Variants in ROBO1 observed in about 807,000 individuals in gnomAD.
The protein encoded by ROBO1 is roundabout homolog 1.
In ROBO1, 149 loss-of-function variants were observed where a neutral mutation model predicts 195.9. The observed-to-expected ratio is 0.76, with a 90% CI of 0.67 to 0.87. The LOEUF (loss-of-function observed/expected upper bound fraction) is 0.87. ROBO1 is among the 40% of genes least tolerant of loss of function. The pLI, the probability that ROBO1 is intolerant of heterozygous loss-of-function variation, is 0.00. For missense variants in ROBO1, 1,933 were observed against 2,068.3 expected, an observed-to-expected ratio of 0.93 and a Z score of 1.27; for synonymous variants, 816 against 733.2, an observed-to-expected ratio of 1.11 and a Z score of -1.82.
chr3:79,129,418 G>C (rs1302838614), intron 2 of ROBO1, among the ~76,000 whole-genome samples: 1 of 151,816 alleles, frequency 6.6e-6, no homozygotes, highest in Admixed American at 6.6e-5. Context: ...ACATAAATTA[G>C]TAATTACATA....
At chr3:79,266,425 G>T (rs1305870662) in intron 2 of ROBO1, among the ~76,000 whole-genome samples, 1 of 151,530 alleles carries the variant, frequency 6.6e-6, no homozygotes. Flanking sequence ...GAACAAACCT[G>T]CAAGAGATAG....
intron 3 of ROBO1, among the ~76,000 whole-genome samples, chr3:79,063,219 G>A (rs898445789): frequency 3.3e-5 from 5 of 151,814 alleles, no homozygotes; most frequent in Admixed American, 3.3e-4. Context: ...GCCCCTTGAG[G>A]TATAGTTTTC....
At chr3:79,153,668 G>C (rs2080810390) in intron 2 of ROBO1, among the ~76,000 whole-genome samples, 1 of 149,374 alleles carries the variant, frequency 6.7e-6, no homozygotes, top group African/African-American at 2.4e-5. Flanking sequence ...ATACTCGTCT[G>C]CTTAATAGTA....
chr3:79,266,390 A>G (rs567486596), intron 2 of ROBO1, among the ~76,000 whole-genome samples: 9 of 151,750 alleles, frequency 5.9e-5, no homozygotes, highest in African/African-American at 2.2e-4. Flanking sequence ...ACAAATATTG[A>G]AAGTTTTAAG....
intron 2 of ROBO1, among the ~76,000 whole-genome samples, chr3:79,530,755 CCACACACACACACACACACACACACA>C (rs59568172): frequency 7.8e-6 from 1 of 128,130 alleles, no homozygotes; most frequent in Non-Finnish European, 1.6e-5. Context: ...CACCTTGTAA[CCACACACACACACACACACACACACA>C]CACACACACA....
At chr3:79,636,867 C>T (rs928647227) in intron 1 of ROBO1, among the ~76,000 whole-genome samples, 5 of 151,974 alleles carry the variant, frequency 3.3e-5, no homozygotes, top group South Asian at 2.1e-4. Flanking sequence ...AATAAAAAGC[C>T]GAACTATGAA....
intron 4 of ROBO1, among the ~76,000 whole-genome samples, chr3:78,789,553 G>T (rs2083954436): frequency 6.6e-6 from 1 of 152,170 alleles, no homozygotes; most frequent in Non-Finnish European, 1.5e-5. Flanking sequence ...TCATTTTATG[G>T]TCTCAGAAAT....
chr3:79,471,990 C>T (rs560652831), intron 2 of ROBO1, among the ~76,000 whole-genome samples: 23 of 151,834 alleles, frequency 1.5e-4, no homozygotes, highest in Non-Finnish European at 2.4e-4. Flanking sequence ...ATGTAGATGA[C>T]GGGTTGATGG....
intron 17 of ROBO1, 93 bp from the exon 18 acceptor site, chr3:78,657,362 T>A: frequency 1.5e-6 from 2 of 1,299,722 alleles, no homozygotes; most frequent in Non-Finnish European, 2.1e-6. Context: ...CCAGACAGAG[T>A]ACTAAACTGT....
chr3:79,270,525 C>G (rs1429463139), intron 2 of ROBO1, among the ~76,000 whole-genome samples: 1 of 149,084 alleles, frequency 6.7e-6, no homozygotes, highest in Non-Finnish European at 1.5e-5. Context: ...TTTTTTTTTT[C>G]CCCCAGGCTG....
chr3:79,259,216 T>G (rs2082893413), intron 2 of ROBO1, among the ~76,000 whole-genome samples: 1 of 152,072 alleles, frequency 6.6e-6, no homozygotes, highest in African/African-American at 2.4e-5. Flanking sequence ...GCAATCTTGG[T>G]TCACAGCAAC....
At chr3:79,357,298 G>C (rs1559842214) in intron 2 of ROBO1, among the ~76,000 whole-genome samples, 1 of 152,098 alleles carries the variant, frequency 6.6e-6, no homozygotes, top group Non-Finnish European at 1.5e-5. Flanking sequence ...AGCCCACCCT[G>C]TTTGTAAGTT....
intron 1 of ROBO1, among the ~76,000 whole-genome samples, chr3:79,751,527 A>T (rs1358453839): frequency 1.3e-5 from 2 of 152,148 alleles, no homozygotes; most frequent in East Asian, 3.9e-4. Context: ...GCTAAGTGCT[A>T]TTGTTAAAGT....
chr3:78,660,318 TC>T (rs1707316487), intron 16 of ROBO1: 1 of 153,080 alleles, frequency 6.5e-6, no homozygotes, highest in South Asian at 2.0e-4. Context: ...CGGTGAATTT[TC>T]CATAACCAAA....
chr3:79,029,603 T>C (rs1343635896), intron 3 of ROBO1, among the ~76,000 whole-genome samples: 3 of 152,214 alleles, frequency 2.0e-5, no homozygotes, highest in African/African-American at 7.2e-5. Flanking sequence ...TTTAGACGTG[T>C]ATATTTCCTA....
intron 21 of ROBO1, among the ~76,000 whole-genome samples, chr3:78,644,272 A>T (rs1360225850): frequency 3.3e-5 from 5 of 152,030 alleles, no homozygotes; most frequent in African/African-American, 4.8e-5. Context: ...CTGACTTTTT[A>T]AAAAAATGTT....
intron 2 of ROBO1, among the ~76,000 whole-genome samples, chr3:79,423,765 T>C (rs1194457816): frequency 6.6e-6 from 1 of 152,094 alleles, no homozygotes; most frequent in Non-Finnish European, 1.5e-5. Context: ...AAGTGTAGTT[T>C]TTGCGGAAAT....
rs535650118 is a variant in ROBO1, at chr3:79,109,651, T to C, written c.172+15805A>G. 8.9e-4 allele frequency among the ~76,000 whole-genome samples: 135 copies of C among 152,186 alleles called. 1 individual carries two copies. The highest frequency in any genetic ancestry group is 7.9e-3 in the Admixed American group (121 of 15,256). On this transcript the variant is annotated intron_variant, in intron 3 of 30. Transcript: ENST00000464233. ...AATCTAAAGCGTTACACTTAAGAAATTGATATATCTTTATTATTAGTTTTT... is the reference window on the plus strand; with the variant it reads ...AATCTAAAGCGTTACACTTAAGAAACTGATATATCTTTATTATTAGTTTTT...
intron 2 of ROBO1, among the ~76,000 whole-genome samples, chr3:79,240,965 T>C (rs1227342959): frequency 6.6e-6 from 1 of 152,122 alleles, no homozygotes; most frequent in Admixed American, 6.5e-5. Flanking sequence ...TTTGAAAATA[T>C]AGTAAAATTT....
Sources: allele counts gnomAD v4.1 joint callset (sites outside exome capture counted in the v4.1 genomes callset), GRCh38; gene constraint gnomAD v4.1.1; transcripts MANE v1.5; gene names NCBI Gene and HGNC (gene_info 2026-07-23, HGNC 2026-07-21).